Variants in ADAM17 observed in about 807,000 individuals in gnomAD.
The protein encoded by ADAM17 is disintegrin and metalloproteinase domain-containing protein 17.
A neutral mutation model predicts 96.7 loss-of-function variants in ADAM17; 39 were observed. The ratio of observed to expected loss-of-function variants is 0.40; its 90% confidence interval spans 0.31 to 0.53. The LOEUF is 0.53. Ranked by LOEUF, ADAM17 falls within the 20% of genes least tolerant of loss-of-function variation. ADAM17 has a pLI of 0.44. For synonymous variants in ADAM17, 344 were observed against 359.2 expected, an observed-to-expected ratio of 0.96 and a Z score of 0.48; for missense variants, 777 against 1,013.2, an observed-to-expected ratio of 0.77 and a Z score of 3.17.
Position 9,544,822 on chromosome 2 carries a change from CT to C in ADAM17, c.98-1538del, listed in dbSNP as rs1293696719. Among the ~76,000 whole-genome samples the C allele has an allele frequency of 2.6e-5, 4 of 151,936 alleles. No individual in the cohort carries two copies. The East Asian group carries it at 5.8e-4, about 22-fold the overall frequency. On this transcript the variant is annotated intron_variant, in intron 1 of 18. Coordinates refer to ENST00000310823, the MANE Select transcript of ADAM17 (RefSeq NM_003183.6). ...GCCTGGCGACAGAGCAAGACTCCAT[CT>C]CAAAAGAAGAAAAAAAAAGCCAAAA...
At chr2:9,551,945 A>G (rs1415221026) in intron 1 of ADAM17, among the ~76,000 whole-genome samples, 2 of 152,218 alleles carry the variant, frequency 1.3e-5, no homozygotes, top group African/African-American at 2.4e-5. Context: ...CTATTCACAC[A>G]TAAGTACTAC....
Position 9,523,631 on chromosome 2 carries a change from C to T in ADAM17, c.754-293G>A, listed in dbSNP as rs16867043. Among the ~76,000 whole-genome samples the T allele has an allele frequency of 0.064, 9,726 of 152,132 alleles. 1,099 individuals are homozygous for T. Among genetic ancestry groups the T allele is most frequent in the African/African-American group, 0.22 (9,161 of 41,466 alleles). On this transcript the variant is annotated intron_variant, in intron 6 of 18. Transcript: ENST00000310823. ...AAGTAACAGGCTTTTTTAAAACTAC[C>T]GTTTCAGCCAATAATAAAAATTAAA... is the stretch of plus-strand genomic sequence containing the variant.
chr2:9,511,229 G>T (rs182023116), intron 10 of ADAM17, among the ~76,000 whole-genome samples: 1 of 151,784 alleles, frequency 6.6e-6, no homozygotes, highest in African/African-American at 2.4e-5. Context: ...TGGGTTGATC[G>T]CCTGAGGTCA....
At chr2:9,528,026 T>C (rs1664596128) in intron 4 of ADAM17, 72 bp from the exon 5 acceptor site, 1 of 1,051,582 alleles carries the variant, frequency 9.5e-7, no homozygotes, top group South Asian at 2.6e-5. Flanking sequence ...CTTCTAACAT[T>C]CTTTGCTTGT....
At chr2:9,515,433 A>G (rs946127511) in intron 10 of ADAM17, among the ~76,000 whole-genome samples, 2 of 152,134 alleles carry the variant, frequency 1.3e-5, no homozygotes, top group Non-Finnish European at 2.9e-5. Flanking sequence ...ATTATGAATT[A>G]AGCTGCCATA....
At chr2:9,526,503 C>T (rs1664536068) in intron 5 of ADAM17, among the ~76,000 whole-genome samples, 1 of 152,140 alleles carries the variant, frequency 6.6e-6, no homozygotes, top group Non-Finnish European at 1.5e-5. Context: ...AAAAAGTGCT[C>T]AACAGAGTAA....
At chr2:9,520,964 C>CAAAAAAAAAAAAAAAAAAAAAAA (rs55909096) in intron 8 of ADAM17, among the ~76,000 whole-genome samples, 4 of 26,292 alleles carry the variant, frequency 1.5e-4, no homozygotes, top group African/African-American at 2.5e-4. Flanking sequence ...AACTCTGTCT[C>CAAAAAAAAAAAAAAAAAAAAAAA]AAAAAAAAAA....
intron 5 of ADAM17, 49 bp downstream of exon 5, chr2:9,527,737 A>G: frequency 7.7e-7 from 1 of 1,296,910 alleles, no homozygotes; most frequent in Non-Finnish European, 1.0e-6. Flanking sequence ...TACTGAAGTC[A>G]ATTGTAGTAT....
In ADAM17 at chr2:9,509,990, C is replaced by T. The variant is rs764909573; in HGVS notation, c.1333G>A (p.Glu445Lys). 19 of 1,613,880 alleles carry T rather than the reference C, an allele frequency of 1.2e-5. No homozygotes were observed. Among genetic ancestry groups the T allele is most frequent in the Non-Finnish European group, 1.4e-5 (17 of 1,179,968 alleles). The change falls in exon 11 of 19, where the codon GAG (glutamate) becomes AAG (lysine). Residue 445 changes from glutamate to lysine, a missense_variant. Transcript: ENST00000310823. ...CGACACACACATACCTTATTGTTCT[C>T]GTGATCGCCACTCACAGCTATGGGA... ...MYPIAVSGDH[E>K]NNKMFSNCSK... is the part of the protein sequence containing the mutation.
intron 2 of ADAM17, among the ~76,000 whole-genome samples, chr2:9,537,221 G>C (rs1316285246): frequency 6.6e-6 from 1 of 152,128 alleles, no homozygotes; most frequent in Non-Finnish European, 1.5e-5. Context: ...CTTGGTGTTA[G>C]GTACTATGCA....
intron 2 of ADAM17, among the ~76,000 whole-genome samples, chr2:9,540,293 A>C (rs1482749369): frequency 6.6e-6 from 1 of 152,184 alleles, no homozygotes; most frequent in Non-Finnish European, 1.5e-5. Context: ...CAGAAATAAC[A>C]CAAGTTTTGG....
intron 13 of ADAM17, among the ~76,000 whole-genome samples, chr2:9,499,522 C>G (rs1315613842): frequency 6.6e-6 from 1 of 152,234 alleles, no homozygotes; most frequent in Non-Finnish European, 1.5e-5. Context: ...CTGCCTCAGC[C>G]TCCCAAGTAG....
intron 1 of ADAM17, among the ~76,000 whole-genome samples, chr2:9,548,224 T>C (rs1362285589): frequency 1.3e-5 from 2 of 151,864 alleles, no homozygotes; most frequent in African/African-American, 4.8e-5. Flanking sequence ...CTCAGCTACT[T>C]GGGAGGCTGA....
intron 10 of ADAM17, among the ~76,000 whole-genome samples, chr2:9,510,663 C>CAAA (rs57462514): frequency 1.2e-5 from 1 of 84,814 alleles, no homozygotes; most frequent in Non-Finnish European, 2.6e-5. Context: ...GACTTCGTCT[C>CAAA]AAAAAAAAAA....
At chr2:9,516,728 G>C (rs1664077907) in intron 10 of ADAM17, among the ~76,000 whole-genome samples, 2 of 151,938 alleles carry the variant, frequency 1.3e-5, no homozygotes, top group South Asian at 4.2e-4. Flanking sequence ...CCTCCAGACT[G>C]GGCCACAGAG....
rs747557857 is a variant in ADAM17, at chr2:9,497,252, G to C, written c.1649-4C>G. Reference sequence around the variant, plus strand: ...GGCGGGCACTCACTGCTATTACCTGGAAGCAAACACCAGTCATAACAAAAA... The same window carrying C: ...GGCGGGCACTCACTGCTATTACCTGCAAGCAAACACCAGTCATAACAAAAA... On this transcript the variant is annotated splice_polypyrimidine_tract_variant and splice_region_variant and intron_variant, in intron 13 of 18. Transcript: ENST00000310823. 1 of 1,613,934 alleles carries C rather than the reference G, an allele frequency of 6.2e-7. No homozygotes were observed. Among genetic ancestry groups the C allele is most frequent in the Admixed American group, 1.7e-5 (1 of 59,998 alleles).
chr2:9,545,813 G>A (rs999504176), intron 1 of ADAM17, among the ~76,000 whole-genome samples: 3 of 152,106 alleles, frequency 2.0e-5, no homozygotes, highest in African/African-American at 7.2e-5. Context: ...AGAACATGGG[G>A]CTGAGGGCGG....
chr2:9,550,061 C>T (rs186647668), intron 1 of ADAM17, among the ~76,000 whole-genome samples: 78 of 152,212 alleles, frequency 5.1e-4, no homozygotes, highest in Non-Finnish European at 5.3e-4. Flanking sequence ...GTGCTGAAGA[C>T]ACAGGAGCCT....
chr2:9,509,919 T>C, intron 11 of ADAM17, 60 bp downstream of exon 11: 4 of 1,586,340 alleles, frequency 2.5e-6, no homozygotes, highest in Non-Finnish European at 3.4e-6. Context: ...GAGCTCTCAT[T>C]ATGATCATTA....
Sources: gnomAD v4.1 joint callset for allele counts (sites outside exome capture counted in the v4.1 genomes callset) on GRCh38, gnomAD v4.1.1 for gene constraint, MANE v1.5 for transcripts, NCBI Gene and HGNC (gene_info 2026-07-23, HGNC 2026-07-21) for gene names.